The following TTLL7 variants were observed in gnomAD, a reference collection of about 807,000 sequenced individuals.
TTLL7 encodes the protein tubulin tyrosine ligase like 7, also known as tubulin polyglutamylase TTLL7.
A neutral mutation model predicts 120.2 loss-of-function variants in TTLL7; 53 were observed. That is an observed-to-expected ratio of 0.44 (90% CI 0.35 to 0.55). The LOEUF (loss-of-function observed/expected upper bound fraction) is 0.55. Ranked by LOEUF, TTLL7 falls within the 20% of genes least tolerant of loss-of-function variation. The pLI is 0.00. For missense variants in TTLL7, 803 were observed against 1,054.7 expected, an observed-to-expected ratio of 0.76 and a Z score of 3.31; for synonymous variants, 353 against 351.7, an observed-to-expected ratio of 1.00 and a Z score of -0.04.
chr1:83,882,346 A>G (rs1311248880), intron 20 of TTLL7, among the ~76,000 whole-genome samples: 1 of 151,606 alleles, frequency 6.6e-6, no homozygotes, highest in Non-Finnish European at 1.5e-5. Flanking sequence ...CTAAAGTTAT[A>G]TTATTCATCT....
chr1:83,958,452 A>C (rs547796090), intron 1 of TTLL7, among the ~76,000 whole-genome samples: 1 of 152,334 alleles, frequency 6.6e-6, no homozygotes, highest in African/African-American at 2.4e-5. Context: ...CTCCACACAC[A>C]TTAACATTAT....
intron 7 of TTLL7, among the ~76,000 whole-genome samples, chr1:83,941,851 C>A (rs1648005357): frequency 6.6e-6 from 1 of 152,138 alleles, no homozygotes; most frequent in Non-Finnish European, 1.5e-5. Flanking sequence ...CTACACAAAG[C>A]TCCATTTAAT....
At chr1:83,915,662 A>C (rs1658090752) in intron 14 of TTLL7, among the ~76,000 whole-genome samples, 1 of 152,118 alleles carries the variant, frequency 6.6e-6, no homozygotes, top group Non-Finnish European at 1.5e-5. Flanking sequence ...TAAACTAAAG[A>C]GCTTCTGCAC....
Position 83,917,204 on chromosome 1 carries a change from T to C in TTLL7, c.1587+400A>G, listed in dbSNP as rs1481612455. ...TTTAACTAAAACAAAATCAATGTTG[T>C]TAGGTCAGCAAAAGACAGGGCTTCT... On this transcript the variant is annotated intron_variant, in intron 14 of 20. Transcript: ENST00000260505. Among the ~76,000 whole-genome samples the C allele has an allele frequency of 2.0e-5, 3 of 152,238 alleles. No individual in the cohort carries two copies. The East Asian group carries it at 5.8e-4, about 29-fold the overall frequency.
Position 83,958,742 on chromosome 1 carries a change from C to T in TTLL7, c.-176-6355G>A, listed in dbSNP as rs139012950. 6.9e-4 allele frequency among the ~76,000 whole-genome samples: 105 copies of T among 152,136 alleles called. 5 individuals carry two copies. In the Middle Eastern group the frequency reaches 0.02, roughly 30 times the overall value. ...CTTTTAAACATCAAAATTTAAAATG[C>T]TTATTTGTTTTGAATATTATTCAGA... On this transcript the variant is annotated intron_variant, in intron 1 of 20. Coordinates refer to ENST00000260505, the MANE Select transcript of TTLL7 (RefSeq NM_024686.6).
rs148689049 is a variant in TTLL7 at position 83,923,965 on chromosome 1, G to A, written c.1143-2571C>T. On this transcript the variant is annotated intron_variant, in intron 10 of 20. Coordinates refer to ENST00000260505, the MANE Select transcript of TTLL7 (RefSeq NM_024686.6). Reference sequence around the variant, plus strand: ...CACGTGCTGTATACTCCAGGAATGTGGAACCACTAGAAGTTCTATGAGCTT... The same window carrying A: ...CACGTGCTGTATACTCCAGGAATGTAGAACCACTAGAAGTTCTATGAGCTT... Among the ~76,000 whole-genome samples, 461 of 152,200 alleles carry A rather than the reference G, an allele frequency of 3.0e-3. 2 individuals carry two copies. The highest frequency in any genetic ancestry group is 0.01 in the African/African-American group (427 of 41,528).
intron 20 of TTLL7, among the ~76,000 whole-genome samples, chr1:83,879,611 C>T (rs1294766524): frequency 1.3e-5 from 2 of 152,012 alleles, no homozygotes; most frequent in African/African-American, 4.8e-5. Context: ...CTCACAGCTA[C>T]ACCATGTCCC....
intron 8 of TTLL7, among the ~76,000 whole-genome samples, chr1:83,937,603 T>A (rs926656893): frequency 6.6e-6 from 1 of 152,150 alleles, no homozygotes; most frequent in Non-Finnish European, 1.5e-5. Flanking sequence ...CTATTCCTGT[T>A]CTAGGCTTGT....
chr1:83,976,033 C>CTCTCTCTCTGTG (rs1241354482), intron 1 of TTLL7, among the ~76,000 whole-genome samples: 11 of 147,930 alleles, frequency 7.4e-5, no homozygotes, highest in African/African-American at 2.5e-4. Context: ...TTGTCTCTCT[C>CTCTCTCTCTGTG]TGTGTGTGTG....
At chr1:83,904,830 G>T (rs911692708) in intron 17 of TTLL7, among the ~76,000 whole-genome samples, 1 of 152,036 alleles carries the variant, frequency 6.6e-6, no homozygotes, top group Non-Finnish European at 1.5e-5. Context: ...TTTTGTGCAA[G>T]TCTGCAAAAC....
chr1:83,908,412 G>A (rs962911391), intron 15 of TTLL7, among the ~76,000 whole-genome samples: 2 of 152,068 alleles, frequency 1.3e-5, no homozygotes, highest in African/African-American at 2.4e-5. Context: ...ATAAAGAGTA[G>A]TACTGAACAG....
At chr1:83,947,579 T>C in intron 5 of TTLL7, 1 of 224,896 alleles carries the variant, frequency 4.4e-6, no homozygotes, top group Non-Finnish European at 8.6e-6. Flanking sequence ...TGCTAGGTAC[T>C]GGAGATAGTA....
chr1:83,865,136 C>T lies in TTLL7; in HGVS notation c.*4826G>A, dbSNP rs1040596284. The T allele has an allele frequency of 1.3e-5, 2 of 151,972 alleles. No homozygotes were observed. Among genetic ancestry groups the T allele is most frequent in the Admixed American group, 6.6e-5 (1 of 15,242 alleles). 9.4% of individuals were successfully genotyped at this position (151,972 alleles called of 1,614,324 possible). A position where few individuals can be genotyped will look rare whatever the true frequency, so the allele number is the denominator to read the frequency against. ...ATGACAATGCAACGCTAATTGCACACTGTATTGACATTTCAAGCATATTTT... is the reference window on the plus strand; with the variant it reads ...ATGACAATGCAACGCTAATTGCACATTGTATTGACATTTCAAGCATATTTT... On this transcript the variant is annotated 3_prime_UTR_variant, in exon 21 of 21. Coordinates refer to ENST00000260505, the MANE Select transcript of TTLL7 (RefSeq NM_024686.6).
intron 1 of TTLL7, among the ~76,000 whole-genome samples, chr1:83,953,449 C>G (rs1159474209): frequency 1.3e-5 from 2 of 151,918 alleles, no homozygotes; most frequent in African/African-American, 4.8e-5. Context: ...AAACGTGAGT[C>G]CTATATCACT....
intron 1 of TTLL7, among the ~76,000 whole-genome samples, chr1:83,992,001 T>G (rs1053877689): frequency 1.3e-5 from 2 of 152,176 alleles, no homozygotes; most frequent in African/African-American, 4.8e-5. Flanking sequence ...CCATATTCAC[T>G]TTTAATCCTA....
intron 20 of TTLL7, among the ~76,000 whole-genome samples, chr1:83,871,691 C>T (rs1485063914): frequency 1.3e-5 from 2 of 151,692 alleles, no homozygotes; most frequent in South Asian, 2.1e-4. Context: ...GTCAGGAGAT[C>T]GAGACCATCC....
At chr1:83,875,815 T>C (rs1653880177) in intron 20 of TTLL7, among the ~76,000 whole-genome samples, 1 of 151,970 alleles carries the variant, frequency 6.6e-6, no homozygotes. Context: ...TGGTAGGAGT[T>C]ATTATATAAT....
At chr1:83,976,687 T>C (rs1286733353) in intron 1 of TTLL7, among the ~76,000 whole-genome samples, 1 of 152,106 alleles carries the variant, frequency 6.6e-6, no homozygotes, top group Non-Finnish European at 1.5e-5. Flanking sequence ...ACTTTGAAAG[T>C]AGCTTTACTG....
At chr1:83,914,226 CTT>C (rs1657909453) in intron 14 of TTLL7, among the ~76,000 whole-genome samples, 1 of 151,016 alleles carries the variant, frequency 6.6e-6, no homozygotes, top group Non-Finnish European at 1.5e-5. Context: ...TCATACCAAA[CTT>C]TTCATGTTTC....
Sources: gnomAD v4.1 joint callset for allele counts (sites outside exome capture counted in the v4.1 genomes callset) on GRCh38, gnomAD v4.1.1 for gene constraint, MANE v1.5 for transcripts, NCBI Gene and HGNC (gene_info 2026-07-23, HGNC 2026-07-21) for gene names.